The following TTLL9 variants were observed in gnomAD, a reference collection of about 807,000 sequenced individuals.
TTLL9 encodes the protein probable tubulin polyglutamylase TTLL9.
Under a neutral mutation model 65.6 loss-of-function variants are expected in TTLL9, and 47 were observed. That is an observed-to-expected ratio of 0.72 (90% confidence interval 0.57 to 0.91). The LOEUF is 0.91. TTLL9 is among the 40% of genes least tolerant of loss of function. The pLI, the probability that TTLL9 is intolerant of heterozygous loss-of-function variation, is 0.00. For missense variants in TTLL9, 537 were observed against 568.8 expected, an observed-to-expected ratio of 0.94 and a Z score of 0.57; for synonymous variants, 179 against 204.8, an observed-to-expected ratio of 0.87 and a Z score of 1.07.
At chr20:31,878,234 A>G (rs969510960) in intron 2 of TTLL9, among the ~76,000 whole-genome samples, 3 of 152,236 alleles carry the variant, frequency 2.0e-5, no homozygotes, top group Non-Finnish European at 4.4e-5. Context: ...ATTTGTTCTA[A>G]TACTCTGTAG....
Position 31,943,922 on chromosome 20 carries a change from G to A in TTLL9, c.*901G>A, listed in dbSNP as rs556469821. On this transcript the variant is annotated 3_prime_UTR_variant, in exon 15 of 15. Transcript: ENST00000535842. ...TTTAAGAGGGGTTGCAACAAGACTC[G>A]GGGCTGTTGGGGTAACTGTTCCAGG... 35 of 435,448 alleles carry A rather than the reference G, an allele frequency of 8.0e-5. No homozygotes were observed. The highest frequency in any genetic ancestry group is 5.2e-4 in the African/African-American group (26 of 49,612). 27.0% of individuals were successfully genotyped at this position (435,448 alleles called of 1,614,324 possible). A position where few individuals can be genotyped will look rare whatever the true frequency, so the allele number is the denominator to read the frequency against.
intron 10 of TTLL9, among the ~76,000 whole-genome samples, chr20:31,927,020 T>G (rs1288882016): frequency 6.6e-6 from 1 of 151,140 alleles, no homozygotes; most frequent in African/African-American, 2.4e-5. Context: ...TCAAGTGAGG[T>G]GGGAGGATCA....
chr20:31,900,644 T>C lies in TTLL9; in HGVS notation c.206+2079T>C, dbSNP rs780480045. ...GAGGATGTGGTGATGGCAGCCTTTG[T>C]GGATTTGCCTTCTTGGTTCTCTTGT... On this transcript the variant is annotated intron_variant, in intron 4 of 14. Coordinates refer to ENST00000535842, the MANE Select transcript of TTLL9 (RefSeq NM_001008409.5). Among the ~76,000 whole-genome samples the C allele has an allele frequency of 8.4e-4, 128 of 152,220 alleles. 2 individuals carry two copies. Among genetic ancestry groups the C allele is most frequent in the Admixed American group, 7.9e-4 (12 of 15,286 alleles).
chr20:31,908,583 A>G lies in TTLL9; in HGVS notation c.207-8A>G. 1 of 1,532,964 alleles carries G rather than the reference A, an allele frequency of 6.5e-7. No individual in the cohort carries two copies. The highest frequency in any genetic ancestry group is 9.0e-7 in the Non-Finnish European group (1 of 1,108,204). 95.0% of individuals were successfully genotyped at this position (1,532,964 alleles called of 1,614,324 possible). A position where few individuals can be genotyped will look rare whatever the true frequency, so the allele number is the denominator to read the frequency against. ...TGACCTTTATCCCCGCCCCCACCCC[A>G]CCCCCAGCGAAGGGGAGTGGGATTT... On this transcript the variant is annotated splice_region_variant and splice_polypyrimidine_tract_variant and intron_variant, in intron 4 of 14. Transcript: ENST00000535842.
chr20:31,940,569 A>G (rs1313111730), intron 14 of TTLL9: 1 of 152,232 alleles, frequency 6.6e-6, no homozygotes, highest in Non-Finnish European at 1.5e-5. Context: ...AAGCCCTCCC[A>G]AAACCTAGCA....
At chr20:31,895,265 G>A (rs1011311745) in intron 3 of TTLL9, among the ~76,000 whole-genome samples, 1 of 152,332 alleles carries the variant, frequency 6.6e-6, no homozygotes, top group East Asian at 1.9e-4. Flanking sequence ...GGCGAGTTCA[G>A]TAGCAGATTG....
At chr20:31,877,091 C>G (rs2063047465) in intron 2 of TTLL9, among the ~76,000 whole-genome samples, 1 of 152,150 alleles carries the variant, frequency 6.6e-6, no homozygotes, top group Admixed American at 6.6e-5. Context: ...CCTTAATGGT[C>G]TGAAGGAGTT....
intron 6 of TTLL9, among the ~76,000 whole-genome samples, chr20:31,916,003 A>C (rs1038799574): frequency 1.3e-5 from 2 of 152,216 alleles, no homozygotes; most frequent in African/African-American, 4.8e-5. Flanking sequence ...AGGCTGCTCC[A>C]GCATCCACTG....
chr20:31,894,902 G>A (rs989865269), intron 3 of TTLL9, among the ~76,000 whole-genome samples: 4 of 151,978 alleles, frequency 2.6e-5, no homozygotes, highest in African/African-American at 9.7e-5. Context: ...CTTCACTGCC[G>A]TCTTGAGCTT....
In TTLL9 at chr20:31,937,456, G is replaced by A; in HGVS notation, c.1065G>A (p.Glu355=). 6.2e-7 allele frequency: 1 copy of A among 1,613,894 alleles called. No homozygotes were observed. The highest frequency in any genetic ancestry group is 1.3e-5 in the African/African-American group (1 of 74,992). Reference sequence around the variant, plus strand: ...CAGCCAGCAGCCAGGAAGACTATGAGCTCAAGACCTGCCTCCTGGAAGACA... The same window carrying A: ...CAGCCAGCAGCCAGGAAGACTATGAACTCAAGACCTGCCTCCTGGAAGACA... The part of the protein sequence containing the change: ...SLTASSQEDY[E]LKTCLLEDTL... The change falls in exon 13 of 15, where the codon GAG becomes GAA. Residue 355 remains glutamate, a synonymous_variant. Coordinates refer to ENST00000535842, the MANE Select transcript of TTLL9 (RefSeq NM_001008409.5).
intron 4 of TTLL9, among the ~76,000 whole-genome samples, chr20:31,901,645 T>A (rs906519285): frequency 6.6e-6 from 1 of 152,136 alleles, no homozygotes; most frequent in East Asian, 1.9e-4. Flanking sequence ...TTCTTAGTGT[T>A]CTTGAACATG....
At position 31,943,652 on chromosome 20, in the gene TTLL9, AG is replaced by A; in HGVS notation, c.*634del. ...ACCATCATCTGAAAACCAGTGGGACAGGGCATCCCCATTTCTCAGATGGACA... is the reference window on the plus strand; with the variant it reads ...ACCATCATCTGAAAACCAGTGGGACAGGCATCCCCATTTCTCAGATGGACA... On this transcript the variant is annotated 3_prime_UTR_variant, in exon 15 of 15. Transcript: ENST00000535842. 1 of 444,596 alleles carries A rather than the reference AG, an allele frequency of 2.2e-6. No individual in the cohort carries two copies. 27.5% of individuals were successfully genotyped at this position (444,596 alleles called of 1,614,324 possible).
At chr20:31,933,481 A>G (rs1180617558) in intron 10 of TTLL9, among the ~76,000 whole-genome samples, 1 of 152,234 alleles carries the variant, frequency 6.6e-6, no homozygotes, top group Non-Finnish European at 1.5e-5. Context: ...ACCGTAGTAT[A>G]ATAGCTATGC....
intron 4 of TTLL9, among the ~76,000 whole-genome samples, chr20:31,902,567 CATTT>C (rs1387815622): frequency 6.6e-6 from 1 of 152,064 alleles, no homozygotes; most frequent in East Asian, 1.9e-4. Context: ...AGGAGTACCA[CATTT>C]ATTTATCTGC....
intron 7 of TTLL9, 59 bp from the exon 8 acceptor site, chr20:31,922,904 C>G (rs1345755092): frequency 1.1e-5 from 16 of 1,393,612 alleles, no homozygotes; most frequent in South Asian, 1.2e-5. Context: ...AACAGAATAC[C>G]TAGTACACAG....
intron 11 of TTLL9, 27 bp downstream of exon 11, chr20:31,933,885 C>T (rs534706262): frequency 2.5e-5 from 40 of 1,608,130 alleles, no homozygotes; most frequent in African/African-American, 9.3e-5. Flanking sequence ...CGGCTATGCA[C>T]GGGTACAGCC....
chr20:31,902,102 A>G (rs964395614), intron 4 of TTLL9, among the ~76,000 whole-genome samples: 4 of 140,884 alleles, frequency 2.8e-5, no homozygotes, highest in African/African-American at 1.1e-4. Flanking sequence ...TTGTGTAATC[A>G]TCACCACTTT....
At position 31,939,139 on chromosome 20, in the gene TTLL9, C is replaced by T; in HGVS notation, c.1119-3C>T. ...TAACCCTGTGGGCCTCCTTCCTGTC[C>T]AGGCTCACGGGAAGGGAGAAGCGAG... On this transcript the variant is annotated splice_polypyrimidine_tract_variant and splice_region_variant and intron_variant, in intron 13 of 14. Coordinates refer to ENST00000535842, the MANE Select transcript of TTLL9 (RefSeq NM_001008409.5). The T allele has an allele frequency of 3.8e-6, 6 of 1,577,074 alleles. No homozygotes were observed. Among genetic ancestry groups the T allele is most frequent in the Non-Finnish European group, 5.2e-6 (6 of 1,161,786 alleles).
In TTLL9 at chr20:31,934,745, G is replaced by GC. The variant is rs1268765071; in HGVS notation, c.864dup (p.Glu289ArgfsTer28). On this transcript the variant is annotated frameshift_variant, in exon 12 of 15. Coordinates refer to ENST00000535842, the MANE Select transcript of TTLL9 (RefSeq NM_001008409.5). LOFTEE classifies it high-confidence loss of function. ...GGCAGTACCTGGCGTCCAAACACGG[G>GC]CCCGAGGCAGTGGAGACACTCTTCA... is the stretch of plus-strand genomic sequence containing the variant. 1 of 1,612,868 alleles carries GC rather than the reference G, an allele frequency of 6.2e-7. No homozygotes were observed. Among genetic ancestry groups the GC allele is most frequent in the East Asian group, 2.2e-5 (1 of 44,886 alleles).
Sources: allele counts gnomAD v4.1 joint callset (sites outside exome capture counted in the v4.1 genomes callset), GRCh38; gene constraint gnomAD v4.1.1; transcripts MANE v1.5; gene names NCBI Gene and HGNC (gene_info 2026-07-23, HGNC 2026-07-21).